The following TBX15 variants were observed in gnomAD, a reference collection of about 807,000 sequenced individuals.
The protein encoded by TBX15 is T-box transcription factor 15.
A neutral mutation model predicts 53.9 loss-of-function variants in TBX15; 18 were observed. The observed-to-expected ratio is 0.33, with a 90% confidence interval of 0.23 to 0.49. TBX15 has a LOEUF of 0.49. Ranked by LOEUF, TBX15 falls within the 20% of genes least tolerant of loss-of-function variation. TBX15 has a pLI of 0.98. For missense variants in TBX15, 692 were observed against 749.5 expected, an observed-to-expected ratio of 0.92 and a Z score of 0.90; for synonymous variants, 295 against 278.0, an observed-to-expected ratio of 1.06 and a Z score of -0.61.
At position 118,987,674 on chromosome 1, in the gene TBX15, T is replaced by TCCAG; in HGVS notation, c.118_121dup (p.Asp41AlafsTer32). On this transcript the variant is annotated frameshift_variant, in exon 1 of 8. Coordinates refer to ENST00000369429, the MANE Select transcript of TBX15 (RefSeq NM_001330677.2). LOFTEE classifies it high-confidence loss of function. The stretch of plus-strand genomic sequence containing the variant: ...GGGGCTCAGCGCCTCCATAGACAGG[T>TCCAG]CCAGCCCCTTCTCCTCCCAGTCTCG... 6.5e-7 allele frequency: 1 copy of TCCAG among 1,550,314 alleles called. No individual in the cohort carries two copies. The highest frequency in any genetic ancestry group is 8.7e-7 in the Non-Finnish European group (1 of 1,146,816).
intron 1 of TBX15, among the ~76,000 whole-genome samples, chr1:118,985,198 C>A (rs1332239193): frequency 1.3e-5 from 2 of 152,076 alleles, no homozygotes; most frequent in Non-Finnish European, 2.9e-5. Flanking sequence ...GGGAGAACCA[C>A]GCAGCGGCTT....
intron 5 of TBX15, among the ~76,000 whole-genome samples, chr1:118,920,997 A>G (rs902216592): frequency 6.6e-6 from 1 of 152,002 alleles, no homozygotes; most frequent in Non-Finnish European, 1.5e-5. Context: ...CAACAAAATG[A>G]GAGGCAATCT....
chr1:118,971,337 C>G (rs574070905), intron 1 of TBX15, among the ~76,000 whole-genome samples: 1 of 152,296 alleles, frequency 6.6e-6, no homozygotes, highest in South Asian at 2.1e-4. Flanking sequence ...CAGGTCACAC[C>G]TACAGGTGAC....
At chr1:118,979,894 G>A (rs1394725799) in intron 1 of TBX15, among the ~76,000 whole-genome samples, 1 of 152,296 alleles carries the variant, frequency 6.6e-6, no homozygotes, top group East Asian at 1.9e-4. Flanking sequence ...ACAGGAACTC[G>A]GGCTGGCACA....
intron 5 of TBX15, among the ~76,000 whole-genome samples, chr1:118,918,458 T>C (rs1206837469): frequency 1.3e-5 from 2 of 152,136 alleles, no homozygotes; most frequent in African/African-American, 4.8e-5. Context: ...TTCTATTTGC[T>C]TTCACTGGAG....
Position 118,885,614 on chromosome 1 carries a change from A to G in TBX15, c.1025-98T>C, listed in dbSNP as rs1053636646. 6.7e-5 allele frequency: 97 copies of G among 1,440,396 alleles called. 1 individual carries two copies. In the South Asian group the frequency reaches 1.2e-3, roughly 18 times the overall value. 89.2% of individuals were successfully genotyped at this position (1,440,396 alleles called of 1,614,324 possible). ...ATACAGGAGGTGCCTTCAAATGTCC[A>G]AGATAGGGCTGATTTTTACAGAACC... On this transcript the variant is annotated intron_variant, in intron 7 of 7. Coordinates refer to ENST00000369429, the MANE Select transcript of TBX15 (RefSeq NM_001330677.2).
intron 7 of TBX15, among the ~76,000 whole-genome samples, chr1:118,886,966 A>G (rs564509911): frequency 6.6e-6 from 1 of 152,044 alleles, no homozygotes; most frequent in Non-Finnish European, 1.5e-5. Context: ...GTTCAATCCA[A>G]CCTCCTTCAG....
intron 6 of TBX15, among the ~76,000 whole-genome samples, chr1:118,905,838 A>G (rs1433738110): frequency 1.3e-5 from 2 of 152,376 alleles, no homozygotes; most frequent in African/African-American, 4.8e-5. Context: ...ATTAAAGACA[A>G]GTGGTCAGTT....
At chr1:118,894,937 T>C (rs909018631) in intron 7 of TBX15, among the ~76,000 whole-genome samples, 10 of 152,134 alleles carry the variant, frequency 6.6e-5, no homozygotes, top group South Asian at 2.1e-4. Context: ...TAAAAAAAAT[T>C]CTATGTGATA....
At chr1:118,892,566 A>C (rs1654183854) in intron 7 of TBX15, among the ~76,000 whole-genome samples, 1 of 152,242 alleles carries the variant, frequency 6.6e-6, no homozygotes, top group South Asian at 2.1e-4. Context: ...AAGAATATAT[A>C]AATAAAAGCA....
At chr1:118,913,190 T>G (rs1655076688) in intron 6 of TBX15, among the ~76,000 whole-genome samples, 1 of 151,972 alleles carries the variant, frequency 6.6e-6, no homozygotes, top group Non-Finnish European at 1.5e-5. Flanking sequence ...AGATAACCCC[T>G]GGTAATCTGT....
rs532340026 is a variant in TBX15 at position 118,884,693 on chromosome 1, C to G, written c.*39G>C. ...GGATCTGACCACGGAGACTCTGGGGCCTTGATTGCCAAATGCTCCGTGGTG... is the reference window on the plus strand; with the variant it reads ...GGATCTGACCACGGAGACTCTGGGGGCTTGATTGCCAAATGCTCCGTGGTG... On this transcript the variant is annotated 3_prime_UTR_variant, in exon 8 of 8. Transcript: ENST00000369429. 1.4e-5 allele frequency: 23 copies of G among 1,612,128 alleles called. No homozygotes were observed. In the Admixed American group the frequency reaches 3.8e-4, roughly 27 times the overall value.
chr1:118,967,915 C>A (rs1657105253), intron 1 of TBX15, among the ~76,000 whole-genome samples: 1 of 152,166 alleles, frequency 6.6e-6, no homozygotes, highest in African/African-American at 2.4e-5. Context: ...GCTTAGGGAG[C>A]CTGTAATCAG....
At position 118,967,125 on chromosome 1, in the gene TBX15, C is replaced by T. The variant is rs148510764; in HGVS notation, c.205+20466G>A. Among the ~76,000 whole-genome samples the T allele has an allele frequency of 3.8e-4, 58 of 152,164 alleles. No homozygotes were observed. The East Asian group carries it at 6.4e-3, about 17-fold the overall frequency. On this transcript the variant is annotated intron_variant, in intron 1 of 7. Coordinates refer to ENST00000369429, the MANE Select transcript of TBX15 (RefSeq NM_001330677.2). Reference sequence around the variant, plus strand: ...TACCAGATCTAGTGAAGAAGACAGACGTAAACAAATAATTGTACTCCAATA... The same window carrying T: ...TACCAGATCTAGTGAAGAAGACAGATGTAAACAAATAATTGTACTCCAATA...
upstream of TBX15, among the ~76,000 whole-genome samples, chr1:118,988,670 T>G (rs775128675): frequency 2.1e-4 from 32 of 152,222 alleles, 1 homozygote; most frequent in Non-Finnish European, 1.5e-4. Context: ...CAGAGTCACT[T>G]TAGTTGCAGA....
rs1183662032 is a variant in TBX15, at chr1:118,926,552, T to C, written c.479A>G (p.Tyr160Cys). The C allele has an allele frequency of 6.2e-7, 1 of 1,613,860 alleles. No homozygotes were observed. The highest frequency in any genetic ancestry group is 1.3e-5 in the African/African-American group (1 of 74,934). ...ITGLDPHQQY[Y>C]IAMDIVPVDN... ...CACAGGCACAATGTCCATTGCTATG[T>C]AGTACTGCTGATGTGGATCTAGGCC... The change falls in exon 3 of 8, where the codon TAC becomes TGC. Residue 160 changes from tyrosine to cysteine, a missense_variant. Tyr to Cys is a radical substitution (Grantham distance 194). This residue lies in a region of TBX15 where 307 missense variants were observed against 347.5 expected (regional missense o/e 0.88). Coordinates refer to ENST00000369429, the MANE Select transcript of TBX15 (RefSeq NM_001330677.2).
intron 1 of TBX15, among the ~76,000 whole-genome samples, chr1:118,937,405 G>C (rs905764858): frequency 6.6e-6 from 1 of 152,176 alleles, no homozygotes; most frequent in Admixed American, 6.6e-5. Flanking sequence ...AAGATCTTGG[G>C]TGTCAGGATA....
intron 2 of TBX15, among the ~76,000 whole-genome samples, chr1:118,929,573 T>G (rs948748910): frequency 3.3e-5 from 5 of 152,180 alleles, no homozygotes; most frequent in African/African-American, 1.2e-4. Context: ...AAACAAAGGA[T>G]TTCAATTATT....
intron 7 of TBX15, among the ~76,000 whole-genome samples, chr1:118,896,667 C>T (rs531032127): frequency 2.0e-5 from 3 of 152,304 alleles, no homozygotes; most frequent in African/African-American, 7.2e-5. Context: ...TAAAAAATAG[C>T]CTACCACTGC....
Sources: gnomAD v4.1 joint callset for allele counts (sites outside exome capture counted in the v4.1 genomes callset) on GRCh38, gnomAD v4.1.1 for gene constraint, gnomAD v4.1.1 regional missense constraint, MANE v1.5 for transcripts, NCBI Gene and HGNC (gene_info 2026-07-23, HGNC 2026-07-21) for gene names.